CHMP7: variants seen among roughly 807,000 people sequenced by gnomAD.
CHMP7 encodes the protein CHMP family, member 7.
A neutral mutation model predicts 53.7 loss-of-function variants in CHMP7; 15 were observed. The observed-to-expected ratio is 0.28, with a 90% CI of 0.19 to 0.43. The LOEUF is 0.43. CHMP7 is among the 20% of genes least tolerant of loss of function. The pLI is 1.00. For synonymous variants in CHMP7, 261 were observed against 228.0 expected (o/e 1.14, Z -1.30); for missense variants, 527 against 569.4 (o/e 0.93, Z 0.76).
Position 23,260,212 on chromosome 8 carries a change from G to T in CHMP7, c.1189G>T (p.Asp397Tyr). 1 of 1,614,114 alleles carries T rather than the reference G, an allele frequency of 6.2e-7. No homozygotes were observed. The highest frequency in any genetic ancestry group is 1.7e-5 in the Admixed American group (1 of 60,020). ...LLQDTTKEPL[D>Y]LPDNPRNRHF... Reference sequence around the variant, plus strand: ...TCAGGATACCACCAAAGAACCTTTGGATCTGCCTGACAACCCCCGCAATAG... The same window carrying T: ...TCAGGATACCACCAAAGAACCTTTGTATCTGCCTGACAACCCCCGCAATAG... The change falls in exon 10 of 11, where the codon GAT becomes TAT. Residue 397 changes from aspartate to tyrosine, a missense_variant. Transcript: ENST00000397677.
intron 5 of CHMP7, among the ~76,000 whole-genome samples, chr8:23,257,072 G>A (rs4641077): frequency 0.086 from 12,954 of 150,290 alleles, 944 homozygotes; most frequent in South Asian, 0.25. Flanking sequence ...GATTACAGGC[G>A]TGAGCCACCG....
intron 9 of CHMP7, among the ~76,000 whole-genome samples, 197 bp downstream of exon 9, chr8:23,259,323 T>C (rs1307427155): frequency 1.6e-4 from 24 of 148,718 alleles, no homozygotes; most frequent in East Asian, 3.9e-4. Flanking sequence ...CGCCTGCCAC[T>C]ATGCCCGGCT....
At chr8:23,259,212 A>G (rs1585317930) in intron 9 of CHMP7, 86 bp downstream of exon 9, 2 of 642,310 alleles carry the variant, frequency 3.1e-6, no homozygotes, top group African/African-American at 2.3e-5. Context: ...TCTGTCGCCC[A>G]GGCTGGAGTG....
At chr8:23,259,804 T>C (rs2128860819) in intron 9 of CHMP7, 1 of 219,522 alleles carries the variant, frequency 4.6e-6, no homozygotes, top group Non-Finnish European at 9.0e-6. Flanking sequence ...AGTCAGGGAA[T>C]TGCCATTTCC....
intron 2 of CHMP7, among the ~76,000 whole-genome samples, chr8:23,248,589 GTGA>G (rs1801799867): frequency 6.6e-6 from 1 of 152,136 alleles, no homozygotes; most frequent in Non-Finnish European, 1.5e-5. Flanking sequence ...TTCTAAAATG[GTGA>G]TGATAATTGT....
chr8:23,260,267 G>C lies in CHMP7; in HGVS notation c.1244G>C (p.Arg415Thr), dbSNP rs766385844. Residue 415 changes from arginine (R) to threonine (T), a missense_variant, in exon 10 of 11, where the codon AGG becomes ACG. Transcript: ENST00000397677. ...RHFTNSVPNPRISDAELEAEL... is the reference protein window; with the variant it reads ...RHFTNSVPNPTISDAELEAEL... ...TTTACCAACAGCGTGCCTAACCCTA[G>C]GATCTCAGATGCTGAACTTGAAGCT... 146 of 1,614,036 alleles carry C rather than the reference G, an allele frequency of 9.0e-5. No individual in the cohort carries two copies. The highest frequency in any genetic ancestry group is 1.2e-4 in the Non-Finnish European group (140 of 1,180,042).
intron 2 of CHMP7, among the ~76,000 whole-genome samples, chr8:23,248,609 G>C (rs1053620346): frequency 6.6e-6 from 1 of 152,140 alleles, no homozygotes; most frequent in Admixed American, 6.5e-5. Flanking sequence ...TTGTACCTAG[G>C]TTTATTGTGA....
At chr8:23,250,157 C>T (rs986144057) in intron 3 of CHMP7, among the ~76,000 whole-genome samples, 2 of 152,166 alleles carry the variant, frequency 1.3e-5, no homozygotes, top group Admixed American at 1.3e-4. Flanking sequence ...CTCTCTGTCC[C>T]CTCACACGCT....
At position 23,258,274 on chromosome 8, in the gene CHMP7, C is replaced by T. The variant is rs189386458; in HGVS notation, c.841-56C>T. The T allele has an allele frequency of 2.2e-4, 348 of 1,609,886 alleles. 2 individuals are homozygous for T. In the African/African-American group the frequency reaches 3.9e-3, roughly 18 times the overall value. On this transcript the variant is annotated intron_variant, in intron 6 of 10. Coordinates refer to ENST00000397677, the MANE Select transcript of CHMP7 (RefSeq NM_152272.5). ...CTTAGCGTCTGGGAAGGGCTGTCTT[C>T]CTCTTGCCCTTTGGCTCGCCCAGTT...
intron 6 of CHMP7, 23 bp from the exon 7 acceptor site, chr8:23,258,307 G>T: frequency 6.2e-7 from 1 of 1,614,006 alleles, no homozygotes; most frequent in Non-Finnish European, 8.5e-7. Context: ...GTTCAGCACT[G>T]ACCTAAGTCT....
intron 3 of CHMP7, among the ~76,000 whole-genome samples, chr8:23,254,522 G>A (rs1802050464): frequency 2.6e-5 from 4 of 151,656 alleles, no homozygotes; most frequent in African/African-American, 2.4e-5. Flanking sequence ...AACCTCCCAA[G>A]TAGCTGGGAT....
chr8:23,251,130 G>A (rs1170326751), intron 3 of CHMP7, among the ~76,000 whole-genome samples: 2 of 152,140 alleles, frequency 1.3e-5, no homozygotes, highest in Non-Finnish European at 2.9e-5. Flanking sequence ...CTGCAGCCTG[G>A]GGCAGAGGAG....
chr8:23,254,171 A>G (rs576431329), intron 3 of CHMP7, among the ~76,000 whole-genome samples: 1 of 135,738 alleles, frequency 7.4e-6, no homozygotes, highest in South Asian at 2.8e-4. Context: ...CTCACTCTTC[A>G]GAATTCTGCT....
chr8:23,260,489 T>C (rs767986451), intron 10 of CHMP7, 49 bp from the exon 11 acceptor site: 36 of 1,575,502 alleles, frequency 2.3e-5, no homozygotes, highest in Non-Finnish European at 3.1e-5. Context: ...AATGCCTTCA[T>C]CTTCAAGATT....
At chr8:23,250,619 C>CGT (rs1801885308) in intron 3 of CHMP7, among the ~76,000 whole-genome samples, 2 of 111,896 alleles carry the variant, frequency 1.8e-5, no homozygotes, top group African/African-American at 7.0e-5. Context: ...GTGATAGGGG[C>CGT]CTGTGTGTGT....
chr8:23,253,624 G>A (rs747195651), intron 3 of CHMP7, among the ~76,000 whole-genome samples: 1 of 152,092 alleles, frequency 6.6e-6, no homozygotes, highest in Non-Finnish European at 1.5e-5. Flanking sequence ...AACCAAGATG[G>A]GATATTTTGT....
At chr8:23,256,917 C>T (rs1475840321) in intron 5 of CHMP7, among the ~76,000 whole-genome samples, 2 of 151,178 alleles carry the variant, frequency 1.3e-5, no homozygotes, top group African/African-American at 2.4e-5. Context: ...GCCAGCCTCC[C>T]GAGTAGCTGG....
intron 5 of CHMP7, among the ~76,000 whole-genome samples, chr8:23,257,159 C>T (rs1802168204): frequency 6.8e-6 from 1 of 146,844 alleles, no homozygotes; most frequent in South Asian, 2.2e-4. Flanking sequence ...AGAGCAGTGA[C>T]ATGATCTTAG....
chr8:23,249,503 CT>C, intron 3 of CHMP7, 122 bp downstream of exon 3: 1 of 673,382 alleles, frequency 1.5e-6, no homozygotes, highest in Non-Finnish European at 2.4e-6. Context: ...GAGTTGATAA[CT>C]GAGTTTATCT....
Sources: allele counts gnomAD v4.1 joint callset (sites outside exome capture counted in the v4.1 genomes callset), GRCh38; gene constraint gnomAD v4.1.1; transcripts MANE v1.5; gene names NCBI Gene and HGNC (gene_info 2026-07-23, HGNC 2026-07-21).